Variants in PLPP3 observed in about 807,000 individuals in gnomAD.
PLPP3 encodes the protein PAP2 beta.
In PLPP3, 6 loss-of-function variants were observed where a neutral mutation model predicts 29.6. The ratio of observed to expected loss-of-function variants is 0.20; its 90% CI spans 0.11 to 0.40. The LOEUF (loss-of-function observed/expected upper bound fraction) is 0.40. PLPP3 is among the 10% of genes least tolerant of loss of function. PLPP3 has a pLI of 1.00. For missense variants in PLPP3, 308 were observed against 407.7 expected, an observed-to-expected ratio of 0.76 and a Z score of 2.11; for synonymous variants, 152 against 159.7, an observed-to-expected ratio of 0.95 and a Z score of 0.36.
intron 1 of PLPP3, among the ~76,000 whole-genome samples, chr1:56,540,699 T>C (rs1428558918): frequency 6.6e-6 from 1 of 152,136 alleles, no homozygotes; most frequent in Admixed American, 6.5e-5. Flanking sequence ...CCCTATAAAC[T>C]TGTGGTATTA....
At chr1:56,512,429 T>A (rs149916706) in intron 4 of PLPP3, 80 of 300,878 alleles carry the variant, frequency 2.7e-4, no homozygotes, top group Non-Finnish European at 3.4e-4. Context: ...CTGGCCAACA[T>A]AGTGAAACCT....
In PLPP3 at chr1:56,495,450, A is replaced by G. The variant is rs1645625245; in HGVS notation, c.*1101T>C. The G allele has an allele frequency of 1.3e-5, 2 of 152,640 alleles. No individual in the cohort carries two copies. The highest frequency in any genetic ancestry group is 1.3e-4 in the Admixed American group (2 of 15,284). The allele number at this position is 152,640 out of a possible 1,614,324, so 9.5% of individuals were successfully genotyped here. A position where few individuals can be genotyped will look rare whatever the true frequency, so the allele number is the denominator to read the frequency against. On this transcript the variant is annotated 3_prime_UTR_variant, in exon 6 of 6. Coordinates refer to ENST00000371250, the MANE Select transcript of PLPP3 (RefSeq NM_003713.5). ...CTACCAAGAACTGCCCTAGGGCTCA[A>G]CCCCAAGACAATAGTGCTTTACACA...
At chr1:56,531,391 A>G (rs1210472921) in intron 2 of PLPP3, among the ~76,000 whole-genome samples, 1 of 152,196 alleles carries the variant, frequency 6.6e-6, no homozygotes. Flanking sequence ...TAAGATCCAA[A>G]GGCAAGATCT....
intron 1 of PLPP3, 142 bp downstream of exon 1, chr1:56,578,735 CA>C: frequency 1.1e-6 from 1 of 930,964 alleles, no homozygotes; most frequent in Non-Finnish European, 1.4e-6. Context: ...CTGGGCGGCG[CA>C]AAGGCTCCCC....
rs1395183349 is a variant in PLPP3 at position 56,564,027 on chromosome 1, ACTTG to A, written c.139+14847_139+14850del. Among the ~76,000 whole-genome samples, 31 of 152,382 alleles carry A rather than the reference ACTTG, an allele frequency of 2.0e-4. No individual in the cohort carries two copies. In the Middle Eastern group the frequency reaches 0.01, roughly 50 times the overall value. ...GATAATTTCATTTTTAAATTTTCTG[ACTTG>A]CTTGCTTTCTTCATATGCTCATTAT... On this transcript the variant is annotated intron_variant, in intron 1 of 5. Coordinates refer to ENST00000371250, the MANE Select transcript of PLPP3 (RefSeq NM_003713.5).
chr1:56,523,391 A>T (rs1033573939), intron 4 of PLPP3, among the ~76,000 whole-genome samples: 7 of 152,072 alleles, frequency 4.6e-5, no homozygotes, highest in Non-Finnish European at 1.5e-5. Flanking sequence ...ATCTTTTCCC[A>T]CCATAGATTT....
chr1:56,563,998 G>A (rs1646146130), intron 1 of PLPP3, among the ~76,000 whole-genome samples: 1 of 152,216 alleles, frequency 6.6e-6, no homozygotes, highest in Admixed American at 6.5e-5. Flanking sequence ...ACTTTACAAG[G>A]TGTGATAATT....
rs1351079888 is a variant in PLPP3 at position 56,524,586 on chromosome 1, T to C, written c.298-32A>G. The C allele has an allele frequency of 1.3e-6, 2 of 1,590,356 alleles. No individual in the cohort carries two copies. The highest frequency in any genetic ancestry group is 3.4e-5 in the Admixed American group (2 of 59,352). The stretch of plus-strand genomic sequence containing the variant: ...GGAATCCAACAGGGGAATTAGGCAG[T>C]ATCAAGATTCATCATCAACACTGAT... On this transcript the variant is annotated intron_variant, in intron 2 of 5. Transcript: ENST00000371250. The surrounding 1 kb of genome is among the most constrained non-coding windows in gnomAD (Gnocchi z 4.3).
chr1:56,551,975 G>A (rs985434250), intron 1 of PLPP3, among the ~76,000 whole-genome samples: 3 of 152,200 alleles, frequency 2.0e-5, no homozygotes, highest in Non-Finnish European at 4.4e-5. Flanking sequence ...CTGGGGAGCA[G>A]GTCTAATTAG....
chr1:56,538,963 A>AAAAAAAAACAAAAAAAAC (rs1553138000), intron 1 of PLPP3: 1 of 150,890 alleles, frequency 6.6e-6, no homozygotes, highest in African/African-American at 2.5e-5. Context: ...GGGCTGCAAA[A>AAAAAAAAACAAAAAAAAC]AAAAAAAACA....
intron 1 of PLPP3, among the ~76,000 whole-genome samples, chr1:56,564,163 A>T (rs1646147120): frequency 6.6e-6 from 1 of 152,182 alleles, no homozygotes; most frequent in African/African-American, 2.4e-5. Context: ...TAGTCCCAAG[A>T]TCCTGAGCAA....
chr1:56,570,829 G>C (rs1298940421), intron 1 of PLPP3, among the ~76,000 whole-genome samples: 1 of 152,100 alleles, frequency 6.6e-6, no homozygotes, highest in African/African-American at 2.4e-5. Context: ...ATTTGAAAAA[G>C]GTGGCACCTG....
Position 56,578,955 on chromosome 1 carries a change from G to T in PLPP3, c.62C>A (p.Ala21Glu). Residue 21 changes from alanine to glutamate, a missense_variant, in exon 1 of 6, where the codon GCG becomes GAG. Coordinates refer to ENST00000371250, the MANE Select transcript of PLPP3 (RefSeq NM_003713.5). ...VPESKNGGSPALNNNPRRSGS... is the reference protein window; with the variant it reads ...VPESKNGGSPELNNNPRRSGS... ...GCTCCTCCTCGGGTTGTTGTTGAGC[G>T]CCGGGCTGCCGCCGTTCTTGCTCTC... 1.9e-6 allele frequency: 3 copies of T among 1,602,892 alleles called. No homozygotes were observed. In the South Asian group the frequency reaches 3.3e-5, roughly 18 times the overall value.
At chr1:56,523,056 A>G (rs996001293) in intron 4 of PLPP3, among the ~76,000 whole-genome samples, 4 of 152,204 alleles carry the variant, frequency 2.6e-5, no homozygotes, top group Non-Finnish European at 5.9e-5. Flanking sequence ...TCATGGTTCT[A>G]CTACTGGTTG....
intron 1 of PLPP3, among the ~76,000 whole-genome samples, chr1:56,549,645 C>T (rs72664358): frequency 0.17 from 26,419 of 152,134 alleles, 2,367 homozygotes; most frequent in Admixed American, 0.21. Flanking sequence ...CACTACCTAC[C>T]TTTGTCCCAG....
At chr1:56,577,863 G>A (rs892991493) in intron 1 of PLPP3, among the ~76,000 whole-genome samples, 10 of 151,954 alleles carry the variant, frequency 6.6e-5, no homozygotes, top group African/African-American at 2.4e-4. Context: ...CCAGCAAGTG[G>A]CAAGAGTGGC....
chr1:56,530,189 TA>T (rs1330176479), intron 2 of PLPP3, among the ~76,000 whole-genome samples: 1 of 152,080 alleles, frequency 6.6e-6, no homozygotes, highest in African/African-American at 2.4e-5. Context: ...TTTCTAAATG[TA>T]TGTCTGCTTC....
intron 4 of PLPP3, among the ~76,000 whole-genome samples, chr1:56,520,538 C>T (rs1425644350): frequency 3.9e-5 from 6 of 152,036 alleles, no homozygotes; most frequent in South Asian, 2.1e-4. Flanking sequence ...TCTGGTGGGC[C>T]GAAATTGTGT....
intron 5 of PLPP3, among the ~76,000 whole-genome samples, chr1:56,510,250 C>T (rs1645731245): frequency 6.6e-6 from 1 of 152,206 alleles, no homozygotes; most frequent in Non-Finnish European, 1.5e-5. Flanking sequence ...ACACCCATCC[C>T]CCACTGTCAC....
Sources: allele counts gnomAD v4.1 joint callset (sites outside exome capture counted in the v4.1 genomes callset), GRCh38; gene constraint gnomAD v4.1.1; non-coding constraint Gnocchi (gnomAD v3.1); transcripts MANE v1.5; gene names NCBI Gene and HGNC (gene_info 2026-07-23, HGNC 2026-07-21).